Variants in CSMD1 observed in about 807,000 individuals in gnomAD.
The protein encoded by CSMD1 is CUB and sushi domain-containing protein 1.
A neutral mutation model predicts 417.5 loss-of-function variants in CSMD1; 213 were observed. The ratio of observed to expected loss-of-function variants is 0.51; its 90% CI spans 0.46 to 0.57. The LOEUF is 0.57. CSMD1 is among the 20% of genes least tolerant of loss of function. The pLI is 0.00. For missense variants in CSMD1, 6,923 were observed against 4,529.7 expected (o/e 1.53, Z -15.17); for synonymous variants, 2,862 against 1,736.8 (o/e 1.65, Z -16.11).
chr8:3,783,372 C>T (rs1439242884), intron 5 of CSMD1, among the ~76,000 whole-genome samples: 2 of 152,228 alleles, frequency 1.3e-5, no homozygotes, highest in Non-Finnish European at 2.9e-5. Flanking sequence ...CACCAGGAAG[C>T]AGTCACATGC....
At chr8:3,752,245 T>A (rs1461291478) in intron 6 of CSMD1, among the ~76,000 whole-genome samples, 1 of 152,082 alleles carries the variant, frequency 6.6e-6, no homozygotes, top group Non-Finnish European at 1.5e-5. Flanking sequence ...GCACATTAAT[T>A]TCACTCTAAT....
At chr8:3,952,878 C>T (rs775009055) in intron 5 of CSMD1, among the ~76,000 whole-genome samples, 1 of 152,152 alleles carries the variant, frequency 6.6e-6, no homozygotes, top group Non-Finnish European at 1.5e-5. Flanking sequence ...AACAAATCAT[C>T]TCTAACCCAA....
chr8:3,682,382 G>A (rs182844542), intron 7 of CSMD1, among the ~76,000 whole-genome samples: 71 of 152,252 alleles, frequency 4.7e-4, no homozygotes, highest in African/African-American at 1.6e-3. Flanking sequence ...GTGGGTGAAG[G>A]ACATGAACAG....
At chr8:4,862,564 G>A (rs962789633) in intron 1 of CSMD1, among the ~76,000 whole-genome samples, 3 of 152,020 alleles carry the variant, frequency 2.0e-5, no homozygotes, top group African/African-American at 7.3e-5. Flanking sequence ...CTAGATCGTG[G>A]ATATATTTTG....
intron 3 of CSMD1, among the ~76,000 whole-genome samples, chr8:4,233,817 A>G (rs993981193): frequency 6.6e-6 from 1 of 152,138 alleles, no homozygotes; most frequent in Non-Finnish European, 1.5e-5. Context: ...ATGAAATTTC[A>G]TTTGAGTTGG....
chr8:3,285,407 G>C (rs1803070643), intron 25 of CSMD1, among the ~76,000 whole-genome samples: 1 of 147,246 alleles, frequency 6.8e-6, no homozygotes, highest in African/African-American at 2.5e-5. Context: ...TTTTTCTAGA[G>C]ATGGGATGTC....
intron 2 of CSMD1, among the ~76,000 whole-genome samples, chr8:4,534,542 T>C (rs373757617): frequency 2.5e-4 from 38 of 152,140 alleles, no homozygotes; most frequent in African/African-American, 8.2e-4. Context: ...ATCCAGGTGG[T>C]AAGCATAGTA....
intron 2 of CSMD1, among the ~76,000 whole-genome samples, chr8:4,520,948 A>T (rs933694629): frequency 1.3e-5 from 2 of 152,128 alleles, no homozygotes; most frequent in Non-Finnish European, 2.9e-5. Flanking sequence ...ATCAGTTATG[A>T]ATTTTTAAAT....
chr8:3,359,727 A>C (rs76777332), intron 20 of CSMD1, among the ~76,000 whole-genome samples: 231 of 152,314 alleles, frequency 1.5e-3, no homozygotes, highest in African/African-American at 4.7e-3. Context: ...GTACATTTCA[A>C]AATAGCTCAA....
intron 39 of CSMD1, 93 bp from the exon 40 acceptor site, chr8:3,151,606 A>C: frequency 1.3e-6 from 1 of 769,806 alleles, no homozygotes; most frequent in Non-Finnish European, 2.2e-6. Flanking sequence ...GCTGAGAAAG[A>C]GCAAGTCTTC....
At chr8:4,691,261 G>A (rs1806751260) in intron 1 of CSMD1, among the ~76,000 whole-genome samples, 1 of 152,158 alleles carries the variant, frequency 6.6e-6, no homozygotes, top group Non-Finnish European at 1.5e-5. Flanking sequence ...CCTGTCAGCA[G>A]AATGAATAGG....
intron 41 of CSMD1, among the ~76,000 whole-genome samples, chr8:3,123,744 A>T (rs1315510348): frequency 6.6e-6 from 1 of 152,220 alleles, no homozygotes; most frequent in Non-Finnish European, 1.5e-5. Flanking sequence ...ACAAGCCTCA[A>T]TTACCAGAAT....
chr8:3,359,018 A>T, intron 21 of CSMD1, 134 bp downstream of exon 21: 1 of 744,056 alleles, frequency 1.3e-6, no homozygotes, highest in Non-Finnish European at 2.2e-6. Flanking sequence ...CCTGGTTGGC[A>T]GAGTGGAGCC....
intron 2 of CSMD1, among the ~76,000 whole-genome samples, chr8:4,632,949 C>T (rs1284794466): frequency 6.6e-6 from 1 of 152,118 alleles, no homozygotes; most frequent in Admixed American, 6.5e-5. Context: ...TTTCAGGGGA[C>T]AAACGGGAGG....
chr8:3,855,306 TAAA>T (rs1804217430), intron 5 of CSMD1, among the ~76,000 whole-genome samples: 1 of 152,192 alleles, frequency 6.6e-6, no homozygotes, highest in Non-Finnish European at 1.5e-5. Flanking sequence ...CTTGAGGCAT[TAAA>T]AATTATCTAT....
At chr8:3,145,145 T>C (rs1002690419) in intron 40 of CSMD1, among the ~76,000 whole-genome samples, 2 of 152,142 alleles carry the variant, frequency 1.3e-5, no homozygotes, top group African/African-American at 2.4e-5. Context: ...CAGAGTTTTA[T>C]AGACATTGCT....
chr8:4,407,562 A>AAT (rs1796390483), intron 3 of CSMD1, among the ~76,000 whole-genome samples: 1 of 152,200 alleles, frequency 6.6e-6, no homozygotes, highest in African/African-American at 2.4e-5. Flanking sequence ...TTCATATAGT[A>AAT]ATGTATAAAT....
chr8:3,113,594 G>T (rs757725568), intron 42 of CSMD1, among the ~76,000 whole-genome samples: 7 of 152,220 alleles, frequency 4.6e-5, no homozygotes, highest in Non-Finnish European at 8.8e-5. Flanking sequence ...TGGCGCCACT[G>T]GCTTCCCCCA....
intron 3 of CSMD1, among the ~76,000 whole-genome samples, chr8:4,213,053 A>C (rs1800417151): frequency 6.6e-6 from 1 of 152,136 alleles, no homozygotes; most frequent in Non-Finnish European, 1.5e-5. Context: ...GACCCACTCT[A>C]AGGTCACTTT....
Sources: gnomAD v4.1 joint callset for allele counts (sites outside exome capture counted in the v4.1 genomes callset) on GRCh38, gnomAD v4.1.1 for gene constraint, MANE v1.5 for transcripts, NCBI Gene and HGNC (gene_info 2026-07-23, HGNC 2026-07-21) for gene names.